ALX3: variants seen among roughly 807,000 people sequenced by gnomAD.
ALX3 encodes ALX homeobox 3.
ALX3 carries 17 observed loss-of-function variants against 26.3 expected under a neutral mutation model. The ratio of observed to expected loss-of-function variants is 0.65; its 90% CI spans 0.44 to 0.97. The LOEUF (loss-of-function observed/expected upper bound fraction) is 0.97. Ranked by LOEUF, ALX3 falls within the 50% of genes least tolerant of loss-of-function variation. The probability of loss-of-function intolerance (pLI) is 0.00; values close to 1 mark genes in which losing one functional copy is unlikely to be tolerated. For synonymous variants in ALX3, 208 were observed against 201.4 expected, an observed-to-expected ratio of 1.03 and a Z score of -0.28; for missense variants, 461 against 466.5, an observed-to-expected ratio of 0.99 and a Z score of 0.11.
intron 2 of ALX3, chr1:110,062,230 A>G: frequency 6.5e-6 from 1 of 152,820 alleles, no homozygotes; most frequent in South Asian, 2.1e-4. Flanking sequence ...CAACACATAC[A>G]TCCACACTGG....
In ALX3 at chr1:110,064,599, C is replaced by T; in HGVS notation, c.582G>A (p.Glu194=). 6.2e-7 allele frequency: 1 copy of T among 1,614,102 alleles called. No homozygotes were observed. The stretch of plus-strand genomic sequence containing the variant: ...GCAGTGCCCTCACCTGTACCCGGGC[C>T]TCAGTCAGGTCTGTGCGCAGGGCCA... ...EQLALRTDLT[E]ARVQVWFQNR... is the part of the protein sequence containing the mutation. The change falls in exon 2 of 4, where the codon GAG becomes GAA. Residue 194 remains glutamate, a synonymous_variant. Transcript: ENST00000647563.
chr1:110,066,772 C>T (rs140529078), intron 1 of ALX3, among the ~76,000 whole-genome samples: 81 of 152,228 alleles, frequency 5.3e-4, no homozygotes, highest in Non-Finnish European at 1.1e-3. Context: ...TGGCAGAGGC[C>T]CTCCAAAGCC....
chr1:110,068,538 G>A (rs1570940034), intron 1 of ALX3, among the ~76,000 whole-genome samples: 1 of 152,218 alleles, frequency 6.6e-6, no homozygotes, highest in South Asian at 2.1e-4. Flanking sequence ...AACTGAAATC[G>A]TTAATTTTCT....
chr1:110,068,722 C>G (rs969882417), intron 1 of ALX3, among the ~76,000 whole-genome samples: 1 of 152,106 alleles, frequency 6.6e-6, no homozygotes, highest in Non-Finnish European at 1.5e-5. Context: ...TTTAGTTCAT[C>G]CCAGCTCGCC....
intron 1 of ALX3, among the ~76,000 whole-genome samples, chr1:110,068,201 T>C (rs1653834103): frequency 6.6e-6 from 1 of 152,152 alleles, no homozygotes; most frequent in Admixed American, 6.5e-5. Context: ...TCGTGAAAGA[T>C]CGCGCCGCAG....
Position 110,070,453 on chromosome 1 carries a change from A to G in ALX3, c.160T>C (p.Cys54Arg). Reference sequence around the variant, plus strand: ...GGGAGGTAGGGCTCCAGGGGCCCGCAGGCCGGAAAGCGGGTCAGCCGCGGG... The same window carrying G: ...GGGAGGTAGGGCTCCAGGGGCCCGCGGGCCGGAAAGCGGGTCAGCCGCGGG... ...RGPRLTRFPA[C>R]GPLEPYLPEP... Residue 54 changes from cysteine to arginine, a missense_variant, in exon 1 of 4, where the codon TGC becomes CGC. Physicochemically the swap from Cys to Arg is radical, Grantham distance 180. Transcript: ENST00000647563. The G allele has an allele frequency of 1.6e-6, 2 of 1,254,134 alleles. No individual in the cohort carries two copies. Among genetic ancestry groups the G allele is most frequent in the East Asian group, 3.0e-5 (1 of 33,216 alleles). The allele number at this position is 1,254,134 out of a possible 1,614,324, so 77.7% of individuals were successfully genotyped here.
At chr1:110,065,549 A>G (rs1359494475) in intron 1 of ALX3, among the ~76,000 whole-genome samples, 1 of 152,180 alleles carries the variant, frequency 6.6e-6, no homozygotes, top group African/African-American at 2.4e-5. Flanking sequence ...CATTCCTCCT[A>G]AAATTGTGGT....
intron 1 of ALX3, among the ~76,000 whole-genome samples, chr1:110,067,351 C>T (rs559339223): frequency 7.9e-5 from 12 of 152,280 alleles, no homozygotes; most frequent in African/African-American, 2.6e-4. Flanking sequence ...GTGGTTAAGG[C>T]GGGGTACTCA....
intron 1 of ALX3, 100 bp downstream of exon 1, chr1:110,070,236 T>C (rs1653884927): frequency 2.5e-6 from 3 of 1,221,322 alleles, no homozygotes; most frequent in East Asian, 3.0e-5. Flanking sequence ...AGTTGAGAAA[T>C]AGGCGAGCGG....
chr1:110,070,484 G>T lies in ALX3; in HGVS notation c.129C>A (p.Pro43=). Residue 43 remains proline (P), a synonymous_variant, in exon 1 of 4, where the codon CCC becomes CCA. Transcript: ENST00000647563. ...AAAPHLHPAP[P]RGPRLTRFPA... Reference sequence around the variant, plus strand: ...GAAAGCGGGTCAGCCGCGGGCCGCGGGGCGGCGCGGGGTGCAGGTGAGGCG... The same window carrying T: ...GAAAGCGGGTCAGCCGCGGGCCGCGTGGCGGCGCGGGGTGCAGGTGAGGCG... The T allele has an allele frequency of 7.9e-7, 1 of 1,261,404 alleles. No individual in the cohort carries two copies. The highest frequency in any genetic ancestry group is 1.0e-6 in the Non-Finnish European group (1 of 1,003,782). The allele number at this position is 1,261,404 out of a possible 1,614,324, so 78.1% of individuals were successfully genotyped here. A position where few individuals can be genotyped will look rare whatever the true frequency, so the allele number is the denominator to read the frequency against.
chr1:110,065,851 C>T (rs777576565), intron 1 of ALX3, among the ~76,000 whole-genome samples: 2 of 152,232 alleles, frequency 1.3e-5, no homozygotes, highest in East Asian at 3.9e-4. Context: ...GTGGATCGAC[C>T]GACAGAGCAT....
intron 1 of ALX3, among the ~76,000 whole-genome samples, chr1:110,068,675 C>A (rs1370034003): frequency 2.0e-5 from 3 of 152,198 alleles, no homozygotes; most frequent in African/African-American, 7.2e-5. Context: ...CGATCTTGCT[C>A]CTGCTTTTTT....
At chr1:110,068,682 T>A (rs890181146) in intron 1 of ALX3, among the ~76,000 whole-genome samples, 2 of 152,230 alleles carry the variant, frequency 1.3e-5, no homozygotes, top group African/African-American at 4.8e-5. Flanking sequence ...GCTCCTGCTT[T>A]TTTTATTCGT....
At chr1:110,061,325 T>A (rs1389294996) in intron 3 of ALX3, 110 bp downstream of exon 3, 4 of 1,511,846 alleles carry the variant, frequency 2.6e-6, no homozygotes, top group Non-Finnish European at 3.6e-6. Context: ...TGAAGTGGTG[T>A]ACCCACTGTC....
At chr1:110,063,607 G>T (rs1204856482) in intron 2 of ALX3, among the ~76,000 whole-genome samples, 1 of 151,982 alleles carries the variant, frequency 6.6e-6, no homozygotes, top group Non-Finnish European at 1.5e-5. Context: ...CATGAGCTTT[G>T]TTCCTGCTAA....
At chr1:110,068,244 C>T (rs1434744536) in intron 1 of ALX3, among the ~76,000 whole-genome samples, 2 of 152,378 alleles carry the variant, frequency 1.3e-5, no homozygotes, top group South Asian at 2.1e-4. Context: ...CTCGTGTGGA[C>T]TGGAAACGCT....
chr1:110,063,001 TG>T (rs985345760), intron 2 of ALX3, among the ~76,000 whole-genome samples: 37 of 152,180 alleles, frequency 2.4e-4, no homozygotes, highest in Non-Finnish European at 1.5e-5. Context: ...TTATCTGGTG[TG>T]TAGTCTCATT....
chr1:110,063,215 G>C (rs1653696152), intron 2 of ALX3, among the ~76,000 whole-genome samples: 1 of 152,146 alleles, frequency 6.6e-6, no homozygotes, highest in Non-Finnish European at 1.5e-5. Flanking sequence ...ACTTGCTTTG[G>C]GAAGAGCTGG....
intron 1 of ALX3, among the ~76,000 whole-genome samples, chr1:110,068,307 G>T (rs1163712881): frequency 6.6e-6 from 1 of 152,222 alleles, no homozygotes; most frequent in Non-Finnish European, 1.5e-5. Flanking sequence ...CTCTTCGCCC[G>T]CCACTTCCCA....
Sources: allele counts gnomAD v4.1 joint callset (sites outside exome capture counted in the v4.1 genomes callset), GRCh38; gene constraint gnomAD v4.1.1; transcripts MANE v1.5; gene names NCBI Gene and HGNC (gene_info 2026-07-23, HGNC 2026-07-21).